Variants in TRIO observed in about 807,000 individuals in gnomAD.
TRIO encodes trio Rho guanine nucleotide exchange factor.
Under a neutral mutation model 351.9 loss-of-function variants are expected in TRIO, and 58 were observed. That is an observed-to-expected ratio of 0.16 (90% CI 0.13 to 0.21). The LOEUF is 0.21. TRIO is among the 10% of genes least tolerant of loss of function. TRIO has a pLI of 1.00. For synonymous variants in TRIO, 1,758 were observed against 1,595.7 expected (o/e 1.10, Z -2.42); for missense variants, 3,201 against 4,027.8 (o/e 0.79, Z 5.56).
intron 37 of TRIO, among the ~76,000 whole-genome samples, chr5:14,470,278 TAAGAG>T (rs147905452): frequency 0.012 from 1,852 of 152,204 alleles, 23 homozygotes; most frequent in African/African-American, 0.042. Context: ...CTGTTACTGT[TAAGAG>T]GAGAAAATAG....
chr5:14,179,591 G>A (rs1789625196), intron 1 of TRIO, among the ~76,000 whole-genome samples: 1 of 150,950 alleles, frequency 6.6e-6, no homozygotes, highest in African/African-American at 2.5e-5. Flanking sequence ...CATGCATCAC[G>A]AAGCCCAGCT....
intron 8 of TRIO, among the ~76,000 whole-genome samples, chr5:14,306,082 T>G (rs1274514544): frequency 1.3e-5 from 2 of 151,412 alleles, no homozygotes; most frequent in East Asian, 3.9e-4. Flanking sequence ...AATGATTCAT[T>G]TCTCAAAATG....
intron 9 of TRIO, among the ~76,000 whole-genome samples, chr5:14,324,336 G>A (rs1194158303): frequency 1.3e-5 from 2 of 152,148 alleles, no homozygotes; most frequent in Non-Finnish European, 1.5e-5. Flanking sequence ...TTTTGTGTGC[G>A]TAAGATGTGA....
At chr5:14,315,804 C>T (rs1234226919) in intron 8 of TRIO, among the ~76,000 whole-genome samples, 1 of 152,166 alleles carries the variant, frequency 6.6e-6, no homozygotes, top group African/African-American at 2.4e-5. Context: ...AAATTGCACC[C>T]TCACCTTTTC....
intron 2 of TRIO, among the ~76,000 whole-genome samples, chr5:14,274,609 T>G (rs1394689293): frequency 6.6e-6 from 1 of 152,210 alleles, no homozygotes; most frequent in Non-Finnish European, 1.5e-5. Context: ...CATCACCACT[T>G]ACTTGATTGT....
At chr5:14,435,464 T>G (rs1233396833) in intron 34 of TRIO, among the ~76,000 whole-genome samples, 1 of 152,238 alleles carries the variant, frequency 6.6e-6, no homozygotes, top group Non-Finnish European at 1.5e-5. Context: ...TTTCTCTTTG[T>G]AATTAATAAA....
chr5:14,379,268 A>T (rs1745851838), intron 20 of TRIO, among the ~76,000 whole-genome samples: 1 of 152,228 alleles, frequency 6.6e-6, no homozygotes, highest in Admixed American at 6.5e-5. Context: ...TTGCAACCTC[A>T]TATGCAGCTG....
intron 1 of TRIO, among the ~76,000 whole-genome samples, chr5:14,176,881 G>C (rs1789437296): frequency 6.6e-6 from 1 of 152,108 alleles, no homozygotes; most frequent in Non-Finnish European, 1.5e-5. Context: ...TGAAAATCTG[G>C]TTTTAACTTT....
chr5:14,468,839 A>G (rs1251322288), intron 37 of TRIO, among the ~76,000 whole-genome samples: 1 of 152,212 alleles, frequency 6.6e-6, no homozygotes, highest in African/African-American at 2.4e-5. Flanking sequence ...ACACAGTATG[A>G]TGTTTAAGGA....
At chr5:14,368,462 C>G (rs1318909120) in intron 16 of TRIO, among the ~76,000 whole-genome samples, 4 of 152,110 alleles carry the variant, frequency 2.6e-5, no homozygotes, top group African/African-American at 7.2e-5. Flanking sequence ...CAACCGAGAC[C>G]CATTCTGGGA....
chr5:14,461,006 T>C lies in TRIO; in HGVS notation c.5204-13T>C, dbSNP rs1400051913. On this transcript the variant is annotated splice_polypyrimidine_tract_variant and intron_variant, in intron 34 of 56. Transcript: ENST00000344204. Reference sequence around the variant, plus strand: ...TGCGAGTCAGTGATACTCCCTCTCTTTCTCCCTGGCAGACTCGCTCTCCGT... The same window carrying C: ...TGCGAGTCAGTGATACTCCCTCTCTCTCTCCCTGGCAGACTCGCTCTCCGT... 2.6e-6 allele frequency: 4 copies of C among 1,548,162 alleles called. No homozygotes were observed. Among genetic ancestry groups the C allele is most frequent in the Non-Finnish European group, 3.5e-6 (4 of 1,144,538 alleles).
At chr5:14,498,283 T>C in intron 52 of TRIO, 32 bp downstream of exon 52, 1 of 1,605,480 alleles carries the variant, frequency 6.2e-7, no homozygotes, top group Non-Finnish European at 8.5e-7. Flanking sequence ...TGGGTTTCGC[T>C]GGCTGGGAGC....
chr5:14,248,101 CCTT>C (rs1794542501), intron 1 of TRIO, among the ~76,000 whole-genome samples: 1 of 151,896 alleles, frequency 6.6e-6, no homozygotes, highest in Admixed American at 6.6e-5. Flanking sequence ...GACCACTGCC[CCTT>C]CTTTGCAGCT....
At chr5:14,228,402 C>T (rs1277769356) in intron 1 of TRIO, among the ~76,000 whole-genome samples, 4 of 152,142 alleles carry the variant, frequency 2.6e-5, no homozygotes, top group African/African-American at 9.7e-5. Context: ...TTTCAGAGTG[C>T]GTATTAGGAA....
chr5:14,487,626 C>G lies in TRIO; in HGVS notation c.6998C>G (p.Thr2333Arg), dbSNP rs767873945. 14 of 1,214,674 alleles carry G rather than the reference C, an allele frequency of 1.2e-5. No homozygotes were observed. The highest frequency in any genetic ancestry group is 1.4e-5 in the Non-Finnish European group (14 of 965,794). The allele number at this position is 1,214,674 out of a possible 1,614,324, so 75.2% of individuals were successfully genotyped here. A position where few individuals can be genotyped will look rare whatever the true frequency, so the allele number is the denominator to read the frequency against. Residue 2333 changes from threonine to arginine, a missense_variant, in exon 48 of 57, where the codon ACG becomes AGG. Physicochemically the swap from Thr to Arg is moderately conservative, Grantham distance 71. Transcript: ENST00000344204. Reference sequence around the variant, plus strand: ...AGCAGCTGCGGCGGCGCCCCCAGCACGAGCAGGAGCCGGCCCTCCCGGATC... The same window carrying G: ...AGCAGCTGCGGCGGCGCCCCCAGCAGGAGCAGGAGCCGGCCCTCCCGGATC... Reference protein sequence around the residue: ...GPSSCGGAPSTSRSRPSRIPQ... With the variant: ...GPSSCGGAPSRSRSRPSRIPQ...
intron 1 of TRIO, among the ~76,000 whole-genome samples, chr5:14,173,101 G>A (rs555707932): frequency 6.6e-6 from 1 of 151,928 alleles, no homozygotes; most frequent in Non-Finnish European, 1.5e-5. Flanking sequence ...TGAGAAATGT[G>A]ACGGTTGGGG....
intron 8 of TRIO, among the ~76,000 whole-genome samples, chr5:14,309,647 T>C (rs1738735152): frequency 6.6e-6 from 1 of 152,218 alleles, no homozygotes; most frequent in Admixed American, 6.5e-5. Flanking sequence ...ACAGATCACA[T>C]GCTGAGCAGC....
chr5:14,427,691 T>C (rs1177732353), intron 34 of TRIO, among the ~76,000 whole-genome samples: 1 of 152,030 alleles, frequency 6.6e-6, no homozygotes, highest in Non-Finnish European at 1.5e-5. Context: ...CACGTCAGGA[T>C]GGAGAGGTCC....
At chr5:14,459,613 G>A (rs999144363) in intron 34 of TRIO, among the ~76,000 whole-genome samples, 12 of 152,132 alleles carry the variant, frequency 7.9e-5, no homozygotes, top group South Asian at 6.2e-4. Flanking sequence ...GGTGGCAGTC[G>A]TCTGTAGTTC....
Sources: gnomAD v4.1 joint callset for allele counts (sites outside exome capture counted in the v4.1 genomes callset) on GRCh38, gnomAD v4.1.1 for gene constraint, MANE v1.5 for transcripts, NCBI Gene and HGNC (gene_info 2026-07-23, HGNC 2026-07-21) for gene names.